Variants in AIDA observed in about 807,000 individuals in gnomAD.
The protein encoded by AIDA is axin interactor, dorsalization associated.
AIDA carries 18 observed loss-of-function variants against 42.7 expected under a neutral mutation model. The observed-to-expected ratio is 0.42, with a 90% CI of 0.29 to 0.63. The LOEUF (loss-of-function observed/expected upper bound fraction) is 0.63, where lower values mean the gene tolerates loss of function less well. AIDA is among the 20% of genes least tolerant of loss of function. AIDA has a pLI of 0.19. For synonymous variants in AIDA, 104 were observed against 122.9 expected (o/e 0.85, Z 1.02); for missense variants, 250 against 354.1 (o/e 0.71, Z 2.36).
intron 8 of AIDA, 31 bp from the exon 9 acceptor site, chr1:222,670,281 C>T (rs529360922): frequency 3.9e-6 from 6 of 1,531,792 alleles, no homozygotes; most frequent in Admixed American, 3.4e-5. Flanking sequence ...ACATAAACCA[C>T]AGATAGCACA....
intron 2 of AIDA, among the ~76,000 whole-genome samples, chr1:222,702,864 C>A (rs948364876): frequency 6.6e-6 from 1 of 152,208 alleles, no homozygotes; most frequent in African/African-American, 2.4e-5. Context: ...CTGGGTTCTC[C>A]CCCTCTTCAG....
Position 222,669,933 on chromosome 1 carries a change from G to A in AIDA, c.881C>T (p.Pro294Leu), listed in dbSNP as rs1022292525. 7 of 1,612,814 alleles carry A rather than the reference G, an allele frequency of 4.3e-6. No homozygotes were observed. Among genetic ancestry groups the A allele is most frequent in the Admixed American group, 1.7e-5 (1 of 59,984 alleles). ...RKKLQLLTKK[P>L]LYLHLHQTLH... ...AGTTTGATGTAGATGAAGATAAAGT[G>A]GTTTCTTGGTCAATAATTGCAATTT... The change falls in exon 10 of 10, where the codon CCA (proline) becomes CTA (leucine). Residue 294 changes from proline (P) to leucine (L), a missense_variant. Transcript: ENST00000340020.
chr1:222,694,927 A>C (rs1655473410), intron 2 of AIDA, among the ~76,000 whole-genome samples: 1 of 152,200 alleles, frequency 6.6e-6, no homozygotes, highest in South Asian at 2.1e-4. Context: ...ATATGACCTA[A>C]AGAAACAGAA....
intron 3 of AIDA, 63 bp downstream of exon 3, chr1:222,694,147 T>C (rs1320259547): frequency 7.0e-7 from 1 of 1,432,340 alleles, no homozygotes; most frequent in African/African-American, 1.4e-5. Flanking sequence ...ATGTCTAATG[T>C]TTTATCACAA....
Position 222,677,914 on chromosome 1 carries a change from TAAAAA to T in AIDA, c.461-1701_461-1697del, listed in dbSNP as rs200424755. Reference sequence around the variant, plus strand: ...AGAACCTGGTGTATATGTAAGTATTTAAAAAAAAATTTTTTACACATTATTGGAGG... The same window carrying T: ...AGAACCTGGTGTATATGTAAGTATTTAAAATTTTTTACACATTATTGGAGG... On this transcript the variant is annotated intron_variant, in intron 6 of 9. Coordinates refer to ENST00000340020, the MANE Select transcript of AIDA (RefSeq NM_022831.4). Among the ~76,000 whole-genome samples the T allele has an allele frequency of 2.6e-5, 4 of 151,932 alleles. No homozygotes were observed. In the East Asian group the frequency reaches 7.7e-4, roughly 29 times the overall value.
intron 2 of AIDA, among the ~76,000 whole-genome samples, chr1:222,694,899 T>C (rs1431259969): frequency 6.6e-6 from 1 of 152,208 alleles, no homozygotes; most frequent in Admixed American, 6.5e-5. Flanking sequence ...TGTATGAACT[T>C]TAGCAAGGTA....
rs1198794033 is a variant in AIDA at position 222,712,370 on chromosome 1, T to C, written c.-53A>G. ...CCCCTACCCCAGCAAGGCCGGGTTC[T>C]AGGGCGCCATCCTCCCCCGGCCTGG... On this transcript the variant is annotated 5_prime_UTR_variant, in exon 1 of 10. The change abolishes the stop of an existing upstream ORF in the 5' untranslated region. Coordinates refer to ENST00000340020, the MANE Select transcript of AIDA (RefSeq NM_022831.4). 153 of 1,376,734 alleles carry C rather than the reference T, an allele frequency of 1.1e-4. No homozygotes were observed. The highest frequency in any genetic ancestry group is 1.3e-4 in the Non-Finnish European group (135 of 1,028,668). 85.3% of individuals were successfully genotyped at this position (1,376,734 alleles called of 1,614,324 possible). A position where few individuals can be genotyped will look rare whatever the true frequency, so the allele number is the denominator to read the frequency against.
chr1:222,678,176 T>G (rs910379126), intron 6 of AIDA, among the ~76,000 whole-genome samples: 1 of 147,624 alleles, frequency 6.8e-6, no homozygotes, highest in African/African-American at 2.5e-5. Context: ...TCTAATACAT[T>G]TAAGAGCTAT....
At chr1:222,692,701 T>G (rs1319955799) in intron 4 of AIDA, among the ~76,000 whole-genome samples, 1 of 152,092 alleles carries the variant, frequency 6.6e-6, no homozygotes, top group Non-Finnish European at 1.5e-5. Flanking sequence ...AGTGTTACTA[T>G]AAAAGATAGG....
chr1:222,693,836 T>C lies in AIDA; in HGVS notation c.242A>G (p.Gln81Arg), dbSNP rs1292851705. 5.6e-6 allele frequency: 9 copies of C among 1,607,516 alleles called. No homozygotes were observed. In the South Asian group the frequency reaches 6.6e-5, roughly 12 times the overall value. Residue 81 changes from glutamine to arginine, a missense_variant, in exon 4 of 10, where the codon CAG (glutamine) becomes CGG (arginine). This residue lies in a region of AIDA where 199 missense variants were observed against 232.6 expected (regional missense o/e 0.86). Coordinates refer to ENST00000340020, the MANE Select transcript of AIDA (RefSeq NM_022831.4). ...ELRSAALQST[Q>R]SQEEFKLEDL... ...CTCCAGTTTAAATTCTTCTTGAGAC[T>C]GTGTGGACTAAATTTAAAATAAGCA...
intron 7 of AIDA, among the ~76,000 whole-genome samples, chr1:222,675,853 A>G (rs945840670): frequency 2.0e-5 from 3 of 152,176 alleles, no homozygotes; most frequent in Admixed American, 6.5e-5. Context: ...AAAGATACAC[A>G]CAAAGAAAAA....
intron 2 of AIDA, among the ~76,000 whole-genome samples, chr1:222,696,141 T>C (rs1655515224): frequency 6.6e-6 from 1 of 152,194 alleles, no homozygotes; most frequent in South Asian, 2.1e-4. Flanking sequence ...TTCTGAAAAC[T>C]TACATTTAAA....
At chr1:222,703,083 T>A in intron 2 of AIDA, 65 bp downstream of exon 2, 1 of 1,332,138 alleles carries the variant, frequency 7.5e-7, no homozygotes, top group Non-Finnish European at 1.0e-6. Flanking sequence ...TTTTGCTTAA[T>A]GAACTCAAAA....
Position 222,697,726 on chromosome 1 carries a change from A to G in AIDA, c.181-3463T>C, listed in dbSNP as rs143147256. ...TTTTGCTAAAACGTATTCAATCTAT[A>G]TAAGAAAAAATAGGTTTAAAAAATA... is the stretch of plus-strand genomic sequence containing the variant. On this transcript the variant is annotated intron_variant, in intron 2 of 9. Transcript: ENST00000340020. Among the ~76,000 whole-genome samples, 226 of 152,298 alleles carry G rather than the reference A, an allele frequency of 1.5e-3. 6 individuals carry two copies. The South Asian group carries it at 0.021, about 14-fold the overall frequency.
chr1:222,704,805 A>G (rs1442460206), intron 1 of AIDA, among the ~76,000 whole-genome samples: 2 of 152,092 alleles, frequency 1.3e-5, no homozygotes, highest in Admixed American at 1.3e-4. Flanking sequence ...ATGTGATGTG[A>G]TATTTATCTC....
chr1:222,689,178 C>T (rs929858013), intron 4 of AIDA, among the ~76,000 whole-genome samples: 1 of 151,712 alleles, frequency 6.6e-6, no homozygotes, highest in Admixed American at 6.6e-5. Context: ...TGGTTCACAC[C>T]TGTAATCCCA....
At chr1:222,710,130 C>T (rs984271620) in intron 1 of AIDA, among the ~76,000 whole-genome samples, 1 of 152,144 alleles carries the variant, frequency 6.6e-6, no homozygotes, top group African/African-American at 2.4e-5. Context: ...TTGCTGCAGC[C>T]TTTCCTCCCA....
At chr1:222,703,117 T>A in intron 2 of AIDA, 31 bp downstream of exon 2, 1 of 1,532,016 alleles carries the variant, frequency 6.5e-7, no homozygotes, top group Non-Finnish European at 8.8e-7. Flanking sequence ...TTGTTTGGAA[T>A]CTGATATATC....
intron 6 of AIDA, 100 bp downstream of exon 6, chr1:222,686,830 A>C: frequency 7.1e-7 from 1 of 1,400,492 alleles, no homozygotes. Flanking sequence ...TGAGCTTTAG[A>C]GTGGTTGTAC....
Sources: gnomAD v4.1 joint callset for allele counts (sites outside exome capture counted in the v4.1 genomes callset) on GRCh38, gnomAD v4.1.1 for gene constraint, gnomAD v4.1.1 regional missense constraint, MANE v1.5 for transcripts, NCBI Gene and HGNC (gene_info 2026-07-23, HGNC 2026-07-21) for gene names.